The following PIAS3 variants were observed in gnomAD, a reference collection of about 807,000 sequenced individuals.
PIAS3 encodes the protein E3 SUMO-protein ligase PIAS3.
In PIAS3, 34 loss-of-function variants were observed where a neutral mutation model predicts 67.6. The observed-to-expected ratio is 0.50, with a 90% CI of 0.38 to 0.67. The LOEUF is 0.67. Among genes scored for constraint, PIAS3 ranks in the 30% least tolerant of loss-of-function variants. PIAS3 has a pLI of 0.00. For synonymous variants in PIAS3, 341 were observed against 313.8 expected, an observed-to-expected ratio of 1.09 and a Z score of -0.92; for missense variants, 693 against 791.6, an observed-to-expected ratio of 0.88 and a Z score of 1.49.
chr1:145,858,874 C>T, intron 1 of PIAS3, 93 bp downstream of exon 1: 1 of 1,222,024 alleles, frequency 8.2e-7, no homozygotes, highest in Non-Finnish European at 1.1e-6. Flanking sequence ...CGTCGGCGCC[C>T]ACCCGAGCCC....
At chr1:145,853,936 G>T in intron 7 of PIAS3, 50 bp from the exon 8 acceptor site, 1 of 1,552,294 alleles carries the variant, frequency 6.4e-7, no homozygotes, top group Non-Finnish European at 8.9e-7. Context: ...GCTGGAGGAA[G>T]CCCAGGAGTT....
intron 9 of PIAS3, among the ~76,000 whole-genome samples, chr1:145,852,130 T>C (rs1443981618): frequency 6.6e-6 from 1 of 152,108 alleles, no homozygotes; most frequent in African/African-American, 2.4e-5. Flanking sequence ...TGGTAGCTCA[T>C]GCCTGCAATC....
At chr1:145,855,520 T>G (rs1330960123) in intron 5 of PIAS3, among the ~76,000 whole-genome samples, 1 of 151,980 alleles carries the variant, frequency 6.6e-6, no homozygotes, top group Non-Finnish European at 1.5e-5. Context: ...TTCTTACATC[T>G]CGGGTTGAAC....
chr1:145,856,550 A>G lies in PIAS3; in HGVS notation c.442+39T>C, dbSNP rs782244996. 5.7e-6 allele frequency: 9 copies of G among 1,586,248 alleles called. No homozygotes were observed. In the South Asian group the frequency reaches 9.2e-5, roughly 16 times the overall value. On this transcript the variant is annotated intron_variant, in intron 2 of 13. Coordinates refer to ENST00000393045, the MANE Select transcript of PIAS3 (RefSeq NM_006099.3). ...CCTAAGAAATGTTTGGGGAACAGGT[A>G]GGGAGTCCAGAAGACTAAGGGACCA...
rs782404985 is a variant in PIAS3, at chr1:145,856,948, C to A, written c.83G>T (p.Arg28Leu). 6.2e-7 allele frequency: 1 copy of A among 1,614,104 alleles called. No individual in the cohort carries two copies. Among genetic ancestry groups the A allele is most frequent in the South Asian group, 1.1e-5 (1 of 91,090 alleles). Residue 28 changes from arginine to leucine, a missense_variant, in exon 2 of 14, where the codon CGG (arginine) becomes CTG (leucine). Arg to Leu is a moderately radical substitution (Grantham distance 102). This residue lies in a region of PIAS3 where 308 missense variants were observed against 348.8 expected (regional missense o/e 0.88). Transcript: ENST00000393045. ...ELQVLLGFAG[R>L]NKSGRKHELL... The stretch of plus-strand genomic sequence containing the variant: ...CTCGTGCTTCCGTCCACTCTTGTTC[C>A]GGCCAGCAAAGCCAAGAAGCACCTG...
In PIAS3 at chr1:145,851,120, A is replaced by G. The variant is rs1240187726; in HGVS notation, c.1179T>C (p.Asp393=). ...LFMEILSSCS[D]CDEIQFMEDG... is the part of the protein sequence containing the mutation. Reference sequence around the variant, plus strand: ...CTTCCATGAATTGGATCTCATCACAATCTGAACAGGAACTAAGAATCTCCA... The same window carrying G: ...CTTCCATGAATTGGATCTCATCACAGTCTGAACAGGAACTAAGAATCTCCA... Residue 393 remains aspartate, a synonymous_variant, in exon 10 of 14, where the codon GAT becomes GAC. Coordinates refer to ENST00000393045, the MANE Select transcript of PIAS3 (RefSeq NM_006099.3). The G allele has an allele frequency of 1.2e-6, 2 of 1,613,980 alleles. No individual in the cohort carries two copies. The highest frequency in any genetic ancestry group is 2.2e-5 in the East Asian group (1 of 44,894).
rs1553735630 is a variant in PIAS3 at position 145,856,396 on chromosome 1, A to T, written c.478T>A (p.Phe160Ile). The T allele has an allele frequency of 6.2e-7, 1 of 1,614,142 alleles. No individual in the cohort carries two copies. The highest frequency in any genetic ancestry group is 1.1e-5 in the South Asian group (1 of 91,084). ...TSSQRFEEAH[F>I]TFALTPQQVQ... ...TGCTGGGGTGTGAGGGCAAAGGTAA[A>T]GTGCGCTTCCTCAAACCGCTGGCTA... is the stretch of plus-strand genomic sequence containing the variant. Residue 160 changes from phenylalanine to isoleucine, a missense_variant, in exon 3 of 14, where the codon TTT becomes ATT. Phe to Ile is a conservative substitution (Grantham distance 21). Around this residue, in one of 3 missense-constraint regions of PIAS3, gnomAD observed 308 missense variants for 348.8 expected, o/e 0.88. Transcript: ENST00000393045.
rs1653059367 is a variant in PIAS3, at chr1:145,853,895, A to G, written c.911-9T>C. On this transcript the variant is annotated splice_polypyrimidine_tract_variant and intron_variant, in intron 7 of 13. Transcript: ENST00000393045. ...AGTCAATTTCTCCTTGACTGAAACAAAAGTGAGGCCAGAGCCATGGGGTCA... is the reference window on the plus strand; with the variant it reads ...AGTCAATTTCTCCTTGACTGAAACAGAAGTGAGGCCAGAGCCATGGGGTCA... 6.2e-7 allele frequency: 1 copy of G among 1,613,518 alleles called. No individual in the cohort carries two copies. Among genetic ancestry groups the G allele is most frequent in the Non-Finnish European group, 8.5e-7 (1 of 1,179,818 alleles).
chr1:145,858,955 G>C lies in PIAS3; in HGVS notation c.24+12C>G. ...CTGAGTCCAGATGGGGATGGGGGGA[G>C]GGGGCCGGTACCTTTAATTCGCCCA... On this transcript the variant is annotated intron_variant, in intron 1 of 13. Coordinates refer to ENST00000393045, the MANE Select transcript of PIAS3 (RefSeq NM_006099.3). 6.6e-7 allele frequency: 1 copy of C among 1,525,906 alleles called. No individual in the cohort carries two copies. Among genetic ancestry groups the C allele is most frequent in the African/African-American group, 1.4e-5 (1 of 70,448 alleles). The allele number at this position is 1,525,906 out of a possible 1,614,324, so 94.5% of individuals were successfully genotyped here.
At chr1:145,857,395 C>T (rs1653235569) in intron 1 of PIAS3, 1 of 218,062 alleles carries the variant, frequency 4.6e-6, no homozygotes, top group Admixed American at 5.1e-5. Flanking sequence ...CTTTCTCAGA[C>T]TCTCAAACCC....
intron 9 of PIAS3, chr1:145,851,418 G>C (rs1489503315): frequency 1.1e-5 from 4 of 361,390 alleles, no homozygotes; most frequent in Non-Finnish European, 2.1e-5. Context: ...CACTTTGGGA[G>C]GTACAGGCAG....
rs1391721141 is a variant in PIAS3, at chr1:145,849,497, G to A, written c.1836C>T (p.Pro612=). The change falls in exon 14 of 14, where the codon CCC becomes CCT. Residue 612 remains proline (P), a synonymous_variant. Coordinates refer to ENST00000393045, the MANE Select transcript of PIAS3 (RefSeq NM_006099.3). ...GACAGCCAGTCAAAGAGGGACCTGA[G>A]GGCAGGGGTCCTCCATGCCCCTCCC... ...ALREGHGGPL[P]SGPSLTGCRS... is the part of the protein sequence containing the mutation. 2.6e-6 allele frequency: 4 copies of A among 1,541,540 alleles called. No homozygotes were observed. Among genetic ancestry groups the A allele is most frequent in the Middle Eastern group, 1.8e-4 (1 of 5,714 alleles).
In PIAS3 at chr1:145,849,999, T is replaced by A. The variant is rs587744298; in HGVS notation, c.1620+233A>T. The A allele has an allele frequency of 1.7e-4, 246 of 1,429,218 alleles. No homozygotes were observed. In the South Asian group the frequency reaches 3.4e-3, roughly 20 times the overall value. The allele number at this position is 1,429,218 out of a possible 1,614,324, so 88.5% of individuals were successfully genotyped here. On this transcript the variant is annotated intron_variant, in intron 13 of 13. Coordinates refer to ENST00000393045, the MANE Select transcript of PIAS3 (RefSeq NM_006099.3). ...ATGGTGCTCTAAGTGCACACGGGGG[T>A]AGGGGTGAGTAGGCCAGGGCAGAAA... is the stretch of plus-strand genomic sequence containing the variant.
chr1:145,851,167 G>C lies in PIAS3; in HGVS notation c.1146-14C>G, dbSNP rs782149882. 1.2e-6 allele frequency: 2 copies of C among 1,612,954 alleles called. No homozygotes were observed. The highest frequency in any genetic ancestry group is 3.3e-5 in the Admixed American group (2 of 60,016). ...TCCATAAATAAACTGGGGGAAGAGA[G>C]AGATGAAAATTCACGGGGCTGGGAG... On this transcript the variant is annotated splice_polypyrimidine_tract_variant and intron_variant, in intron 9 of 13. Transcript: ENST00000393045.
At position 145,851,385 on chromosome 1, in the gene PIAS3, G is replaced by GTGGCTCACGCCTTTA. The variant is rs1652958354; in HGVS notation, c.1146-247_1146-233dup. 1.8e-5 allele frequency: 9 copies of GTGGCTCACGCCTTTA among 492,902 alleles called. No individual in the cohort carries two copies. In the East Asian group the frequency reaches 3.2e-4, roughly 18 times the overall value. 30.5% of individuals were successfully genotyped at this position (492,902 alleles called of 1,614,324 possible). A position where few individuals can be genotyped will look rare whatever the true frequency, so the allele number is the denominator to read the frequency against. ...TAAATACAATCTGAGGCTGGGTGCA[G>GTGGCTCACGCCTTTA]TGGCTCACGCCTTTAATCCCAGCAC... On this transcript the variant is annotated intron_variant, in intron 9 of 13. Coordinates refer to ENST00000393045, the MANE Select transcript of PIAS3 (RefSeq NM_006099.3).
chr1:145,855,679 A>G (rs1653143039), intron 5 of PIAS3, 57 bp downstream of exon 5: 1 of 925,518 alleles, frequency 1.1e-6, no homozygotes, highest in Admixed American at 2.2e-5. Flanking sequence ...TTTGTAGTTA[A>G]TATTTATGAA....
chr1:145,849,943 G>T lies in PIAS3; in HGVS notation c.1621-231C>A, dbSNP rs77430020. 1,638 of 1,423,992 alleles carry T rather than the reference G, an allele frequency of 1.2e-3. 1 individual carries two copies. The highest frequency in any genetic ancestry group is 1.4e-3 in the Non-Finnish European group (1,523 of 1,095,826). 88.2% of individuals were successfully genotyped at this position (1,423,992 alleles called of 1,614,324 possible). A position where few individuals can be genotyped will look rare whatever the true frequency, so the allele number is the denominator to read the frequency against. On this transcript the variant is annotated intron_variant, in intron 13 of 13. Transcript: ENST00000393045. ...TAGGTTCTTGGCTTTGTGGGCGTCT[G>T]AAATGTGTGGAATGTCCGGTTAGAG...
rs781949137 is a variant in PIAS3 at position 145,851,002 on chromosome 1, G to T, written c.1279+18C>A. ...CCATCCAAGATTTAGCTTAGCTGGG[G>T]AACAGGGGGTCACTCACCATCCAGC... is the stretch of plus-strand genomic sequence containing the variant. On this transcript the variant is annotated intron_variant, in intron 10 of 13. Transcript: ENST00000393045. The T allele has an allele frequency of 2.7e-5, 44 of 1,614,064 alleles. No individual in the cohort carries two copies. The Admixed American group carries it at 7.3e-4, about 27-fold the overall frequency.
chr1:145,857,448 G>T (rs2101686798), intron 1 of PIAS3: 1 of 171,190 alleles, frequency 5.8e-6, no homozygotes, highest in Admixed American at 5.5e-5. Context: ...GGGAGAAGGA[G>T]GGAGAGACAA....
Sources: allele counts gnomAD v4.1 joint callset (sites outside exome capture counted in the v4.1 genomes callset), GRCh38; gene constraint gnomAD v4.1.1; regional missense constraint gnomAD v4.1.1; transcripts MANE v1.5; gene names NCBI Gene and HGNC (gene_info 2026-07-23, HGNC 2026-07-21).